CSRP3: variants seen among roughly 807,000 people sequenced by gnomAD.
CSRP3 encodes the protein cysteine and glycine rich protein 3.
CSRP3 carries 24 observed loss-of-function variants against 24.3 expected under a neutral mutation model. That is an observed-to-expected ratio of 0.99 (90% CI 0.71 to 1.39). The LOEUF (loss-of-function observed/expected upper bound fraction) is 1.39, where lower values mean the gene tolerates loss of function less well. Among genes scored for constraint, CSRP3 ranks in the 40% most tolerant of loss-of-function variants. CSRP3 has a pLI of 0.00. For synonymous variants in CSRP3, 105 were observed against 94.0 expected (o/e 1.12, Z -0.68); for missense variants, 240 against 249.0 (o/e 0.96, Z 0.24).
rs527365549 is a variant in CSRP3, at chr11:19,186,781, A to G, written c.282-433T>C. Among the ~76,000 whole-genome samples, 11 of 152,358 alleles carry G rather than the reference A, an allele frequency of 7.2e-5. No individual in the cohort carries two copies. In the East Asian group the frequency reaches 7.7e-4, roughly 11 times the overall value. On this transcript the variant is annotated intron_variant, in intron 3 of 5. Coordinates refer to ENST00000265968, the MANE Select transcript of CSRP3 (RefSeq NM_003476.5). ...TACAGAGCAAGGTGGGATTTTGACA[A>G]TGGGTGCTAATCAGTTCCTGATGAA... is the stretch of plus-strand genomic sequence containing the variant.
At chr11:19,195,788 C>A (rs1458257026) in intron 1 of CSRP3, among the ~76,000 whole-genome samples, 3 of 152,102 alleles carry the variant, frequency 2.0e-5, no homozygotes, top group Non-Finnish European at 4.4e-5. Flanking sequence ...ACTAATGTAT[C>A]CTAGCACTGG....
Position 19,182,722 on chromosome 11 carries a change from G to A in CSRP3, c.533C>T (p.Pro178Leu), listed in dbSNP as rs767944340. 1.2e-6 allele frequency: 2 copies of A among 1,614,046 alleles called. No homozygotes were observed. The highest frequency in any genetic ancestry group is 1.7e-6 in the Non-Finnish European group (2 of 1,179,980). Residue 178 changes from proline (P) to leucine (L), a missense_variant, in exon 6 of 6, where the codon CCC (proline) becomes CTC (leucine). Physicochemically the swap from Pro to Leu is moderately conservative, Grantham distance 98 (BLOSUM62 -3). Transcript: ENST00000265968. The stretch of plus-strand genomic sequence containing the variant: ...AAGGCCTCCAAACCCAATACCCGTG[G>A]GGCCAAAATTTTTGGCATAGCAAAC... ...CKVCYAKNFG[P>L]TGIGFGGLTQ...
At chr11:19,190,461 T>C (rs889638116) in intron 2 of CSRP3, among the ~76,000 whole-genome samples, 3 of 152,248 alleles carry the variant, frequency 2.0e-5, no homozygotes, top group African/African-American at 7.2e-5. Flanking sequence ...AATTATAATG[T>C]TTTGGATATA....
chr11:19,188,392 C>A, intron 2 of CSRP3, 88 bp from the exon 3 acceptor site: 1 of 1,482,228 alleles, frequency 6.7e-7, no homozygotes, highest in South Asian at 1.1e-5. Flanking sequence ...GGGCCAGAGA[C>A]CCAGCATGAG....
At chr11:19,197,726 G>A (rs1389531096) in intron 1 of CSRP3, among the ~76,000 whole-genome samples, 1 of 151,684 alleles carries the variant, frequency 6.6e-6, no homozygotes, top group Non-Finnish European at 1.5e-5. Flanking sequence ...TTTCAGCTCA[G>A]TGCTAGCTCA....
At chr11:19,192,665 G>A (rs1270321020) in intron 1 of CSRP3, among the ~76,000 whole-genome samples, 189 bp from the exon 2 acceptor site, 1 of 152,104 alleles carries the variant, frequency 6.6e-6, no homozygotes, top group East Asian at 1.9e-4. Flanking sequence ...ATGGCTTTGG[G>A]TAATCACTTT....
At position 19,201,755 on chromosome 11, in the gene CSRP3, C is replaced by T. The variant is rs529582132; in HGVS notation, c.-29+199G>A. ...GTCCCTTAAGCCCCCTAAATATTAA[C>T]CATCCTTGCAGGAATTTTTTAATAC... On this transcript the variant is annotated intron_variant, in intron 1 of 5. Transcript: ENST00000265968. Among the ~76,000 whole-genome samples, 11 of 152,344 alleles carry T rather than the reference C, an allele frequency of 7.2e-5. No homozygotes were observed. The East Asian group carries it at 1.9e-3, about 27-fold the overall frequency.
chr11:19,196,072 G>A (rs1423169579), intron 1 of CSRP3, among the ~76,000 whole-genome samples: 1 of 152,128 alleles, frequency 6.6e-6, no homozygotes, highest in Non-Finnish European at 1.5e-5. Flanking sequence ...AGAACATCCT[G>A]GCCAGCATGG....
chr11:19,197,426 CTTCCCTCCTTCTTTCCATCCTTTTTCCT>C (rs1301472629), intron 1 of CSRP3, among the ~76,000 whole-genome samples: 2 of 129,050 alleles, frequency 1.5e-5, no homozygotes, highest in African/African-American at 5.9e-5. Flanking sequence ...TCCTTCCTTC[CTTCCCTCCTTCTTTCCATCCTTTTTCCT>C]TTCCTTCCCT....
intron 1 of CSRP3, among the ~76,000 whole-genome samples, chr11:19,198,729 G>A (rs1850785100): frequency 1.5e-5 from 1 of 65,996 alleles, no homozygotes; most frequent in Admixed American, 1.9e-4. Context: ...GAAAACCATG[G>A]GCTTTGGAAG....
chr11:19,200,706 A>G (rs1187873673), intron 1 of CSRP3, among the ~76,000 whole-genome samples: 2 of 152,208 alleles, frequency 1.3e-5, no homozygotes, highest in Non-Finnish European at 2.9e-5. Context: ...AAAGGGAACA[A>G]AGCCAAGTCA....
intron 2 of CSRP3, among the ~76,000 whole-genome samples, chr11:19,191,214 G>A (rs952464242): frequency 5.9e-5 from 9 of 152,180 alleles, no homozygotes; most frequent in African/African-American, 1.9e-4. Context: ...ACTCAAACCC[G>A]AATCCCTTTT....
intron 1 of CSRP3, among the ~76,000 whole-genome samples, chr11:19,198,376 A>G (rs530312185): frequency 1.3e-5 from 2 of 152,246 alleles, no homozygotes; most frequent in Non-Finnish European, 1.5e-5. Flanking sequence ...TTGTCTCTCC[A>G]TGGGACACAG....
intron 1 of CSRP3, among the ~76,000 whole-genome samples, chr11:19,194,110 G>A (rs768335769): frequency 4.3e-4 from 65 of 152,112 alleles, no homozygotes; most frequent in Non-Finnish European, 8.2e-4. Flanking sequence ...AATAGTTGGC[G>A]ATTAACACTA....
intron 3 of CSRP3, among the ~76,000 whole-genome samples, chr11:19,186,689 C>G (rs964731924): frequency 6.6e-6 from 1 of 152,144 alleles, no homozygotes; most frequent in African/African-American, 2.4e-5. Flanking sequence ...TACTACTGTG[C>G]TTATTTGTGT....
chr11:19,195,243 A>C (rs1351249386), intron 1 of CSRP3, among the ~76,000 whole-genome samples: 2 of 152,094 alleles, frequency 1.3e-5, no homozygotes, highest in Non-Finnish European at 2.9e-5. Flanking sequence ...AAAATAGCCC[A>C]AATTTGTTTA....
At chr11:19,191,612 C>T (rs997830147) in intron 2 of CSRP3, among the ~76,000 whole-genome samples, 6 of 152,140 alleles carry the variant, frequency 3.9e-5, no homozygotes, top group Non-Finnish European at 8.8e-5. Flanking sequence ...AAGACTCTAT[C>T]GCAGATGCAC....
chr11:19,190,195 C>G (rs1850592644), intron 2 of CSRP3, among the ~76,000 whole-genome samples: 1 of 152,226 alleles, frequency 6.6e-6, no homozygotes, highest in African/African-American at 2.4e-5. Context: ...TCTTTTGACT[C>G]CTAGTCCAGT....
At chr11:19,201,345 C>T (rs914373432) in intron 1 of CSRP3, among the ~76,000 whole-genome samples, 1 of 152,220 alleles carries the variant, frequency 6.6e-6, no homozygotes, top group East Asian at 1.9e-4. Flanking sequence ...TTAAAATCAA[C>T]AAGCCCAAAA....
Sources: gnomAD v4.1 joint callset for allele counts (sites outside exome capture counted in the v4.1 genomes callset) on GRCh38, gnomAD v4.1.1 for gene constraint, MANE v1.5 for transcripts, NCBI Gene and HGNC (gene_info 2026-07-23, HGNC 2026-07-21) for gene names.